Variants in KCNN2 observed in about 807,000 individuals in gnomAD.
The protein encoded by KCNN2 is potassium calcium-activated channel subfamily N member 2.
A neutral mutation model predicts 55.5 loss-of-function variants in KCNN2; 24 were observed. The ratio of observed to expected loss-of-function variants is 0.43; its 90% CI spans 0.31 to 0.61. The LOEUF is 0.61. Among genes scored for constraint, KCNN2 ranks in the 20% least tolerant of loss-of-function variants. KCNN2 has a pLI of 0.08. For missense variants in KCNN2, 754 were observed against 853.6 expected, an observed-to-expected ratio of 0.88 and a Z score of 1.45; for synonymous variants, 431 against 336.1, an observed-to-expected ratio of 1.28 and a Z score of -3.09.
intron 1 of KCNN2, among the ~76,000 whole-genome samples, chr5:114,088,799 T>G (rs746810957): frequency 1.6e-4 from 25 of 152,086 alleles, no homozygotes; most frequent in Non-Finnish European, 3.1e-4. Context: ...TTTTGTATTT[T>G]TAGTAGAGGC....
At chr5:114,120,285 C>G (rs1751801232) in intron 1 of KCNN2, among the ~76,000 whole-genome samples, 1 of 152,102 alleles carries the variant, frequency 6.6e-6, no homozygotes, top group African/African-American at 2.4e-5. Context: ...CGCAGTAGTC[C>G]TGGTTGTCTC....
intron 1 of KCNN2, among the ~76,000 whole-genome samples, chr5:114,185,633 G>A (rs567251616): frequency 1.6e-4 from 24 of 152,140 alleles, no homozygotes; most frequent in African/African-American, 5.6e-4. Flanking sequence ...AACCATCTGC[G>A]AGCCTAAATT....
chr5:114,293,072 C>T (rs1324919166), intron 2 of KCNN2, among the ~76,000 whole-genome samples: 9 of 152,288 alleles, frequency 5.9e-5, no homozygotes, highest in Admixed American at 5.2e-4. Flanking sequence ...AGTTGCTTAT[C>T]AGCTTATGGA....
chr5:114,493,540 A>G (rs926625097), intron 7 of KCNN2, 68 bp downstream of exon 7: 1 of 1,087,506 alleles, frequency 9.2e-7, no homozygotes, highest in Middle Eastern at 2.0e-4. Flanking sequence ...GTCACTAATC[A>G]TGAATGTTTC....
At chr5:114,300,973 C>T (rs1015432694) in intron 2 of KCNN2, among the ~76,000 whole-genome samples, 4 of 151,888 alleles carry the variant, frequency 2.6e-5, no homozygotes, top group Non-Finnish European at 4.4e-5. Flanking sequence ...AAAATACAAG[C>T]GAAAGCTGAA....
At chr5:114,177,760 C>G (rs1440555380) in intron 1 of KCNN2, among the ~76,000 whole-genome samples, 1 of 151,924 alleles carries the variant, frequency 6.6e-6, no homozygotes, top group Non-Finnish European at 1.5e-5. Context: ...GGTAATTAAT[C>G]AAGGCATTGC....
intron 1 of KCNN2, among the ~76,000 whole-genome samples, chr5:114,105,564 C>G (rs1416235236): frequency 6.6e-6 from 1 of 152,046 alleles, no homozygotes; most frequent in African/African-American, 2.4e-5. Context: ...CCATTTATAA[C>G]AATGTGTATA....
intron 7 of KCNN2, among the ~76,000 whole-genome samples, chr5:114,494,233 C>A (rs1748002126): frequency 6.9e-6 from 1 of 144,534 alleles, no homozygotes. Flanking sequence ...TTGAAAGAGG[C>A]AACTCTCAGT....
intron 1 of KCNN2, among the ~76,000 whole-genome samples, chr5:114,159,331 C>A (rs190609286): frequency 2.8e-3 from 433 of 152,254 alleles, no homozygotes; most frequent in African/African-American, 1.0e-2. Context: ...ATTGAACCAG[C>A]CTTGCATCCC....
chr5:114,182,746 A>G (rs900792343), intron 1 of KCNN2, among the ~76,000 whole-genome samples: 1 of 152,122 alleles, frequency 6.6e-6, no homozygotes, highest in Non-Finnish European at 1.5e-5. Context: ...TGCTAAATTC[A>G]TCAATTGGTT....
intron 3 of KCNN2, among the ~76,000 whole-genome samples, chr5:114,451,439 G>A (rs994833684): frequency 5.9e-5 from 9 of 151,806 alleles, no homozygotes; most frequent in African/African-American, 9.7e-5. Context: ...CCAAACATAC[G>A]CACACACACA....
intron 1 of KCNN2, among the ~76,000 whole-genome samples, chr5:114,107,983 A>T (rs1279736686): frequency 6.6e-6 from 1 of 151,994 alleles, no homozygotes; most frequent in Non-Finnish European, 1.5e-5. Flanking sequence ...ATTGTTTTGA[A>T]GCTTTGTTTT....
chr5:114,196,904 TTTTTC>T (rs1205115288), intron 1 of KCNN2, among the ~76,000 whole-genome samples: 1 of 151,834 alleles, frequency 6.6e-6, no homozygotes, highest in Non-Finnish European at 1.5e-5. Context: ...TTTGTTCTTG[TTTTTC>T]TAGTTTCTTA....
intron 1 of KCNN2, among the ~76,000 whole-genome samples, chr5:114,095,418 T>C (rs1386458): frequency 0.43 from 64,903 of 151,952 alleles, 14,293 homozygotes; most frequent in East Asian, 0.65. Context: ...CAGACATCCC[T>C]ATGAGCCTCA....
chr5:114,255,872 C>G (rs1418816544), intron 2 of KCNN2, among the ~76,000 whole-genome samples: 3 of 152,074 alleles, frequency 2.0e-5, no homozygotes, highest in Non-Finnish European at 4.4e-5. Context: ...GTATTTTTAT[C>G]AATTTAGGGT....
chr5:114,130,392 T>A (rs2112610792), intron 1 of KCNN2, among the ~76,000 whole-genome samples: 1 of 152,330 alleles, frequency 6.6e-6, no homozygotes, highest in South Asian at 2.1e-4. Context: ...ATTTTATTCG[T>A]TCAAGAAGTT....
intron 2 of KCNN2, among the ~76,000 whole-genome samples, chr5:114,269,630 C>G (rs887695052): frequency 6.6e-6 from 1 of 152,008 alleles, no homozygotes; most frequent in Non-Finnish European, 1.5e-5. Context: ...TTTAATACCC[C>G]GTAATGTTCA....
At chr5:114,464,761 A>ATTAT (rs1190913212) in intron 4 of KCNN2, among the ~76,000 whole-genome samples, 3 of 152,118 alleles carry the variant, frequency 2.0e-5, no homozygotes, top group Non-Finnish European at 2.9e-5. Flanking sequence ...ATAATTTAAC[A>ATTAT]TTATTTGCCT....
intron 1 of KCNN2, among the ~76,000 whole-genome samples, chr5:114,066,436 G>C (rs1358410723): frequency 6.6e-6 from 1 of 152,222 alleles, no homozygotes; most frequent in East Asian, 1.9e-4. Context: ...AGGAATCTGA[G>C]AGCAATTCCC....
Sources: gnomAD v4.1 joint callset for allele counts (sites outside exome capture counted in the v4.1 genomes callset) on GRCh38, gnomAD v4.1.1 for gene constraint, MANE v1.5 for transcripts, NCBI Gene and HGNC (gene_info 2026-07-23, HGNC 2026-07-21) for gene names.